ANKRD11: variants seen among roughly 807,000 people sequenced by gnomAD.
The protein encoded by ANKRD11 is ankyrin repeat domain-containing protein 11.
ANKRD11 carries 17 observed loss-of-function variants against 195.7 expected under a neutral mutation model. The ratio of observed to expected loss-of-function variants is 0.09; its 90% confidence interval spans 0.06 to 0.13. The LOEUF is 0.13. ANKRD11 is among the 10% of genes least tolerant of loss of function. ANKRD11 has a pLI of 1.00. For synonymous variants in ANKRD11, 1,953 were observed against 1,528.1 expected, an observed-to-expected ratio of 1.28 and a Z score of -6.49; for missense variants, 3,735 against 3,566.1, an observed-to-expected ratio of 1.05 and a Z score of -1.21.
intron 1 of ANKRD11, 47 bp from the exon 2 acceptor site, chr16:89,418,415 C>G (rs917654924): frequency 3.3e-5 from 14 of 420,908 alleles, no homozygotes; most frequent in African/African-American, 2.6e-4. Flanking sequence ...TAATTTCAGC[C>G]TCAGTTCTTT....
intron 2 of ANKRD11, among the ~76,000 whole-genome samples, chr16:89,407,156 G>A (rs1346572298): frequency 6.6e-6 from 1 of 151,706 alleles, no homozygotes; most frequent in Non-Finnish European, 1.5e-5. Flanking sequence ...CTGCACTCCA[G>A]CCTGGGCAAC....
At chr16:89,467,335 G>C (rs2056920257) in intron 1 of ANKRD11, among the ~76,000 whole-genome samples, 1 of 151,986 alleles carries the variant, frequency 6.6e-6, no homozygotes, top group Non-Finnish European at 1.5e-5. Flanking sequence ...TCAGCTATTT[G>C]AGAGGCTGAG....
At chr16:89,287,937 G>T in intron 7 of ANKRD11, 1 of 437,530 alleles carries the variant, frequency 2.3e-6, no homozygotes, top group Non-Finnish European at 4.0e-6. Context: ...ACGGAGCTCT[G>T]ATGAAGACAT....
chr16:89,382,843 G>C (rs1172332122), intron 2 of ANKRD11, among the ~76,000 whole-genome samples: 1 of 152,002 alleles, frequency 6.6e-6, no homozygotes, highest in East Asian at 1.9e-4. Flanking sequence ...AGTTTCCTTT[G>C]TTTGCCCATT....
chr16:89,283,371 T>C lies in ANKRD11; in HGVS notation c.3171A>G (p.Lys1057=). ...QKDKEFDKCF[K]EKKDTKEKHK... is the part of the protein sequence containing the mutation. The stretch of plus-strand genomic sequence containing the variant: ...GTTTTTCCTTGGTATCTTTTTTCTC[T>C]TTAAAACATTTATCAAATTCTTTGT... The change falls in exon 9 of 13, where the codon AAA becomes AAG. Residue 1057 remains lysine, a synonymous_variant. Coordinates refer to ENST00000301030, the MANE Select transcript of ANKRD11 (RefSeq NM_013275.6). The surrounding 1 kb of genome is among the most constrained non-coding windows in gnomAD (Gnocchi z 4.3). 1.2e-6 allele frequency: 2 copies of C among 1,613,892 alleles called. No homozygotes were observed. Among genetic ancestry groups the C allele is most frequent in the Non-Finnish European group, 1.7e-6 (2 of 1,180,024 alleles).
intron 1 of ANKRD11, among the ~76,000 whole-genome samples, chr16:89,427,214 G>A (rs1341116689): frequency 6.6e-6 from 1 of 152,188 alleles, no homozygotes; most frequent in Non-Finnish European, 1.5e-5. Flanking sequence ...CCAAAGAAGT[G>A]TAAAACTTGC....
At chr16:89,393,912 G>T (rs1454763810) in intron 2 of ANKRD11, among the ~76,000 whole-genome samples, 1 of 152,190 alleles carries the variant, frequency 6.6e-6, no homozygotes, top group African/African-American at 2.4e-5. Flanking sequence ...AAAAAGTCAC[G>T]AAGAAAGTGC....
At chr16:89,336,683 A>G (rs2038371856) in intron 2 of ANKRD11, among the ~76,000 whole-genome samples, 1 of 152,234 alleles carries the variant, frequency 6.6e-6, no homozygotes. Flanking sequence ...CACAGGCACT[A>G]GGAGACCCGG....
chr16:89,312,610 T>C (rs958742709), intron 3 of ANKRD11, among the ~76,000 whole-genome samples: 6 of 148,518 alleles, frequency 4.0e-5, no homozygotes, highest in African/African-American at 1.5e-4. Context: ...AGTGAAAAGA[T>C]GGACAGAAAT....
At chr16:89,397,656 A>G (rs2041502856) in intron 2 of ANKRD11, among the ~76,000 whole-genome samples, 1 of 152,226 alleles carries the variant, frequency 6.6e-6, no homozygotes, top group Admixed American at 6.5e-5. Flanking sequence ...GAAGGGTAAG[A>G]CACAGTTCCC....
At position 89,462,790 on chromosome 16, in the gene ANKRD11, C is replaced by T. The variant is rs376727461; in HGVS notation, c.-145+27455G>A. Among the ~76,000 whole-genome samples the T allele has an allele frequency of 1.4e-4, 21 of 150,418 alleles. No homozygotes were observed. The East Asian group carries it at 1.8e-3, about 13-fold the overall frequency. ...CTGACAAGTGAGAAGACCCTCTGCCCGGCAACCACCCCGTCTGAGAAGTGA... is the reference window on the plus strand; with the variant it reads ...CTGACAAGTGAGAAGACCCTCTGCCTGGCAACCACCCCGTCTGAGAAGTGA... On this transcript the variant is annotated intron_variant, in intron 1 of 12. Coordinates refer to ENST00000301030, the MANE Select transcript of ANKRD11 (RefSeq NM_013275.6).
At chr16:89,380,640 G>A (rs570645586) in intron 2 of ANKRD11, among the ~76,000 whole-genome samples, 2 of 152,296 alleles carry the variant, frequency 1.3e-5, no homozygotes, top group Non-Finnish European at 2.9e-5. Flanking sequence ...ATAACCAATA[G>A]GAGACAGGCT....
Position 89,283,725 on chromosome 16 carries a change from C to T in ANKRD11, c.2817G>A (p.Lys939=). Residue 939 remains lysine, a synonymous_variant, in exon 9 of 13, where the codon AAG becomes AAA. Transcript: ENST00000301030. The surrounding 1 kb of genome is among the most constrained non-coding windows in gnomAD (Gnocchi z 4.3). ...SVPGYLSEKD[K]KRRESAEAGR... is the part of the protein sequence containing the mutation. ...CGGCCTCTGCGGACTCTCTCCTCTTCTTGTCCTTTTCCGAAAGGTAGCCAG... is the reference window on the plus strand; with the variant it reads ...CGGCCTCTGCGGACTCTCTCCTCTTTTTGTCCTTTTCCGAAAGGTAGCCAG... 1.2e-6 allele frequency: 2 copies of T among 1,613,988 alleles called. No individual in the cohort carries two copies. Among genetic ancestry groups the T allele is most frequent in the Non-Finnish European group, 1.7e-6 (2 of 1,180,056 alleles).
rs922539952 is a variant in ANKRD11 at position 89,317,027 on chromosome 16, C to A, written c.-8G>T. ...GCACCCACCCTTGGGCATCGTCCTG[C>A]TCCTCACCCGATCTTCATTTACACG... On this transcript the variant is annotated 5_prime_UTR_variant, in exon 3 of 13. Transcript: ENST00000301030. 15 of 1,612,330 alleles carry A rather than the reference C, an allele frequency of 9.3e-6. No individual in the cohort carries two copies. The highest frequency in any genetic ancestry group is 1.3e-5 in the Non-Finnish European group (15 of 1,179,386).
Position 89,290,640 on chromosome 16 carries a change from C to A in ANKRD11, c.586G>T (p.Val196Phe). The A allele has an allele frequency of 6.2e-7, 1 of 1,613,162 alleles. No individual in the cohort carries two copies. The highest frequency in any genetic ancestry group is 1.7e-4 in the Middle Eastern group (1 of 6,060). Residue 196 changes from valine (V) to phenylalanine (F), a missense_variant, in exon 6 of 13, where the codon GTC (valine) becomes TTC (phenylalanine). Transcript: ENST00000301030. ...GGGTGCCCACCTGCGAAGTCCTTGACGTTGACGTCTGCCCCCTCGCTGATG... is the reference window on the plus strand; with the variant it reads ...GGGTGCCCACCTGCGAAGTCCTTGAAGTTGACGTCTGCCCCCTCGCTGATG... ...ELISEGADVN[V>F]KDFAGWTALH...
intron 2 of ANKRD11, among the ~76,000 whole-genome samples, chr16:89,415,455 G>A (rs2042260488): frequency 1.3e-5 from 2 of 149,682 alleles, no homozygotes; most frequent in African/African-American, 2.5e-5. Flanking sequence ...TAGTAGAGAC[G>A]GGGTTTCACC....
chr16:89,411,766 C>T (rs1401534242), intron 2 of ANKRD11, among the ~76,000 whole-genome samples: 2 of 152,104 alleles, frequency 1.3e-5, no homozygotes, highest in Middle Eastern at 3.2e-3. Context: ...TCCCAATGGA[C>T]AACACAAATA....
At position 89,296,899 on chromosome 16, in the gene ANKRD11, T is replaced by C. The variant is rs76944008; in HGVS notation, c.227-5716A>G. 1.3e-3 allele frequency among the ~76,000 whole-genome samples: 194 copies of C among 152,216 alleles called. 1 individual carries two copies. The highest frequency in any genetic ancestry group is 4.3e-3 in the African/African-American group (177 of 41,552). On this transcript the variant is annotated intron_variant, in intron 4 of 12. Coordinates refer to ENST00000301030, the MANE Select transcript of ANKRD11 (RefSeq NM_013275.6). ...GGGCAGGAATGGGTCAGAAGTCTCATTGGTGACCTCTCAAAGCCCCTCATC... is the reference window on the plus strand; with the variant it reads ...GGGCAGGAATGGGTCAGAAGTCTCACTGGTGACCTCTCAAAGCCCCTCATC...
chr16:89,487,271 C>T (rs1597569260), intron 1 of ANKRD11, among the ~76,000 whole-genome samples: 1 of 152,146 alleles, frequency 6.6e-6, no homozygotes, highest in Admixed American at 6.5e-5. Flanking sequence ...ATTACACTTA[C>T]GATTTGAGGA....
Sources: gnomAD v4.1 joint callset for allele counts (sites outside exome capture counted in the v4.1 genomes callset) on GRCh38, gnomAD v4.1.1 for gene constraint, Gnocchi (gnomAD v3.1) non-coding constraint, MANE v1.5 for transcripts, NCBI Gene and HGNC (gene_info 2026-07-23, HGNC 2026-07-21) for gene names.